ADGRL3: variants seen among roughly 807,000 people sequenced by gnomAD.
ADGRL3 encodes the protein calcium-independent alpha-latrotoxin receptor 3.
ADGRL3 carries 62 observed loss-of-function variants against 153.5 expected under a neutral mutation model. The ratio of observed to expected loss-of-function variants is 0.40; its 90% confidence interval spans 0.33 to 0.50. The LOEUF is 0.50. ADGRL3 is among the 20% of genes least tolerant of loss of function. The pLI, the probability that ADGRL3 is intolerant of heterozygous loss-of-function variation, is 0.47. For synonymous variants in ADGRL3, 710 were observed against 672.5 expected (o/e 1.06, Z -0.86); for missense variants, 1,641 against 1,859.4 (o/e 0.88, Z 2.16).
chr4:61,875,626 A>G (rs2098470551), intron 9 of ADGRL3, among the ~76,000 whole-genome samples: 1 of 152,232 alleles, frequency 6.6e-6, no homozygotes, highest in Non-Finnish European at 1.5e-5. Flanking sequence ...TAAAAAGATA[A>G]TATTAAATAG....
At chr4:61,933,910 C>A (rs1365617626) in intron 13 of ADGRL3, 1 of 152,102 alleles carries the variant, frequency 6.6e-6, no homozygotes, top group African/African-American at 2.4e-5. Context: ...GGATTAGATG[C>A]ATATTTCATA....
At chr4:61,970,212 T>A (rs898263392) in intron 17 of ADGRL3, among the ~76,000 whole-genome samples, 2 of 152,178 alleles carry the variant, frequency 1.3e-5, no homozygotes. Context: ...GCTCTTCTAA[T>A]AGAATCAGAC....
chr4:61,698,304 T>C (rs2095679899), intron 6 of ADGRL3, among the ~76,000 whole-genome samples: 1 of 151,864 alleles, frequency 6.6e-6, no homozygotes, highest in African/African-American at 2.4e-5. Context: ...ACAAAAAAAT[T>C]AGCCAGGCGT....
chr4:61,851,066 C>G (rs1340910142), intron 9 of ADGRL3, among the ~76,000 whole-genome samples: 1 of 149,148 alleles, frequency 6.7e-6, no homozygotes, highest in Non-Finnish European at 1.5e-5. Flanking sequence ...TTAATTGCCT[C>G]ATATCCATTA....
chr4:61,296,460 GA>G (rs1166863562), intron 1 of ADGRL3, among the ~76,000 whole-genome samples: 1 of 135,906 alleles, frequency 7.4e-6, no homozygotes, highest in Non-Finnish European at 1.6e-5. Context: ...CCTTTCAGCA[GA>G]TTTGTAAATT....
At chr4:61,787,536 A>G (rs1356171108) in intron 8 of ADGRL3, among the ~76,000 whole-genome samples, 3 of 152,116 alleles carry the variant, frequency 2.0e-5, no homozygotes, top group Non-Finnish European at 4.4e-5. Flanking sequence ...GTTTATGCCA[A>G]TGAAGGAAGA....
At chr4:61,753,885 A>G (rs539959562) in intron 8 of ADGRL3, among the ~76,000 whole-genome samples, 1 of 152,164 alleles carries the variant, frequency 6.6e-6, no homozygotes, top group Non-Finnish European at 1.5e-5. Context: ...GGAATCTCAG[A>G]TTAGACTTTT....
intron 2 of ADGRL3, among the ~76,000 whole-genome samples, chr4:61,405,843 A>C (rs1291719941): frequency 2.6e-5 from 4 of 151,954 alleles, no homozygotes; most frequent in Non-Finnish European, 5.9e-5. Flanking sequence ...AATCAGAAAA[A>C]GAACGCATTT....
rs1014088255 is a variant in ADGRL3 at position 62,077,359 on chromosome 4, A to G, written c.*6451A>G. 2.0e-5 allele frequency: 3 copies of G among 152,002 alleles called. No individual in the cohort carries two copies. Among genetic ancestry groups the G allele is most frequent in the Non-Finnish European group, 2.9e-5 (2 of 67,884 alleles). The allele number at this position is 152,002 out of a possible 1,614,324, so 9.4% of individuals were successfully genotyped here. On this transcript the variant is annotated 3_prime_UTR_variant, in exon 27 of 27. Transcript: ENST00000683033. ...TCTTAAAGGAGTTAAGTTTGTCTCA[A>G]TGATCCAAGACTACAAAATTTCTTG...
chr4:61,879,381 A>G (rs760734489), intron 9 of ADGRL3, among the ~76,000 whole-genome samples: 80 of 152,196 alleles, frequency 5.3e-4, no homozygotes, highest in Non-Finnish European at 1.0e-3. Context: ...GAATATTTGC[A>G]TACACATAAT....
intron 8 of ADGRL3, among the ~76,000 whole-genome samples, chr4:61,744,563 C>T (rs1193441965): frequency 6.6e-6 from 1 of 152,178 alleles, no homozygotes; most frequent in Admixed American, 6.5e-5. Context: ...TCACAAAAAT[C>T]CGCTGTTCTG....
chr4:61,747,711 A>G (rs1174959127), intron 8 of ADGRL3, among the ~76,000 whole-genome samples: 1 of 147,908 alleles, frequency 6.8e-6, no homozygotes, highest in Non-Finnish European at 1.5e-5. Flanking sequence ...CGTATCTCAA[A>G]ATAATAAGAG....
In ADGRL3 at chr4:61,595,250, C is replaced by T. The variant is rs191635982; in HGVS notation, c.473+7810C>T. Among the ~76,000 whole-genome samples, 25 of 152,156 alleles carry T rather than the reference C, an allele frequency of 1.6e-4. 1 individual carries two copies. Among genetic ancestry groups the T allele is most frequent in the Admixed American group, 1.6e-3 (25 of 15,292 alleles). On this transcript the variant is annotated intron_variant, in intron 5 of 26. Coordinates refer to ENST00000683033, the MANE Select transcript of ADGRL3 (RefSeq NM_001387552.1). Reference sequence around the variant, plus strand: ...CTTAAACAGAAGTATTTCACCATAGCCACCACAGCTGGGAATGTGATGGGT... The same window carrying T: ...CTTAAACAGAAGTATTTCACCATAGTCACCACAGCTGGGAATGTGATGGGT...
Position 61,260,234 on chromosome 4 carries a change from T to G in ADGRL3, c.-240+58469T>G, listed in dbSNP as rs574828710. Among the ~76,000 whole-genome samples, 6 of 152,336 alleles carry G rather than the reference T, an allele frequency of 3.9e-5. No homozygotes were observed. In the South Asian group the frequency reaches 6.2e-4, roughly 16 times the overall value. Reference sequence around the variant, plus strand: ...TGTTTTATATTATATGGATGAGAGATAGAACAGATAAAGGCAAAAATGAAC... The same window carrying G: ...TGTTTTATATTATATGGATGAGAGAGAGAACAGATAAAGGCAAAAATGAAC... On this transcript the variant is annotated intron_variant, in intron 1 of 26. Coordinates refer to ENST00000683033, the MANE Select transcript of ADGRL3 (RefSeq NM_001387552.1).
chr4:61,599,806 G>A (rs773788434), intron 5 of ADGRL3, among the ~76,000 whole-genome samples: 1 of 152,092 alleles, frequency 6.6e-6, no homozygotes, highest in Non-Finnish European at 1.5e-5. Context: ...AAAAATTTTC[G>A]CTTCTGCAGC....
At chr4:61,583,828 C>T in intron 4 of ADGRL3, 3 of 489,458 alleles carry the variant, frequency 6.1e-6, no homozygotes, top group South Asian at 4.5e-5. Context: ...AACAGATTAC[C>T]TCATGGAATA....
chr4:62,011,911 A>G (rs1327996100), intron 21 of ADGRL3, among the ~76,000 whole-genome samples: 5 of 152,166 alleles, frequency 3.3e-5, no homozygotes, highest in African/African-American at 1.2e-4. Flanking sequence ...CTTGGCTGCT[A>G]TAACAAAAAC....
At chr4:61,336,398 G>A (rs1037355119) in intron 1 of ADGRL3, among the ~76,000 whole-genome samples, 1 of 152,116 alleles carries the variant, frequency 6.6e-6, no homozygotes, top group Non-Finnish European at 1.5e-5. Flanking sequence ...CCCATGTTGT[G>A]GGAGTCATGC....
intron 4 of ADGRL3, among the ~76,000 whole-genome samples, chr4:61,585,628 T>G (rs1453964813): frequency 6.6e-6 from 1 of 152,076 alleles, no homozygotes; most frequent in Non-Finnish European, 1.5e-5. Flanking sequence ...ACTGATTCTC[T>G]TAGTGTGGAA....
Sources: allele counts gnomAD v4.1 joint callset (sites outside exome capture counted in the v4.1 genomes callset), GRCh38; gene constraint gnomAD v4.1.1; transcripts MANE v1.5; gene names NCBI Gene and HGNC (gene_info 2026-07-23, HGNC 2026-07-21).